Variants in TLN2 observed in about 807,000 individuals in gnomAD.
TLN2 encodes talin-2.
Under a neutral mutation model 294.7 loss-of-function variants are expected in TLN2, and 118 were observed. That is an observed-to-expected ratio of 0.40 (90% CI 0.34 to 0.47). The LOEUF (loss-of-function observed/expected upper bound fraction) is 0.47, where lower values mean the gene tolerates loss of function less well. Ranked by LOEUF, TLN2 falls within the 20% of genes least tolerant of loss-of-function variation. The probability of loss-of-function intolerance (pLI) is 0.84; values close to 1 mark genes in which losing one functional copy is unlikely to be tolerated. For synonymous variants in TLN2, 1,431 were observed against 1,304.5 expected (o/e 1.10, Z -2.09); for missense variants, 3,083 against 3,282.2 (o/e 0.94, Z 1.48).
intron 3 of TLN2, among the ~76,000 whole-genome samples, chr15:62,619,378 A>G (rs962879970): frequency 6.6e-5 from 10 of 152,220 alleles, no homozygotes; most frequent in Non-Finnish European, 1.2e-4. Flanking sequence ...TCCATCCTCC[A>G]GTTTGTGAGA....
At chr15:62,505,263 A>G (rs1458110348) in intron 1 of TLN2, among the ~76,000 whole-genome samples, 1 of 152,056 alleles carries the variant, frequency 6.6e-6, no homozygotes, top group Non-Finnish European at 1.5e-5. Flanking sequence ...GGCCAAAAAC[A>G]TGTTTCTTAC....
chr15:62,610,277 T>G (rs2047815742), intron 2 of TLN2, among the ~76,000 whole-genome samples: 2 of 152,262 alleles, frequency 1.3e-5, no homozygotes, highest in African/African-American at 4.8e-5. Context: ...ATAAAGTATC[T>G]TCAAATACTG....
intron 41 of TLN2, among the ~76,000 whole-genome samples, chr15:62,770,710 T>C (rs1422483996): frequency 2.0e-5 from 3 of 151,900 alleles, no homozygotes; most frequent in African/African-American, 4.8e-5. Context: ...TTCTCATATC[T>C]AACTCTGGAT....
rs137863993 is a variant in TLN2 at position 62,513,800 on chromosome 15, G to A, written c.-237-75887G>A. On this transcript the variant is annotated intron_variant, in intron 1 of 58. Coordinates refer to ENST00000636159, the MANE Select transcript of TLN2 (RefSeq NM_015059.3). ...ACAAAATTGGTGCTAAATAAATATT[G>A]ATGGAATTGCAAACCCTTTCAGAAC... Among the ~76,000 whole-genome samples, 13 of 152,328 alleles carry A rather than the reference G, an allele frequency of 8.5e-5. No individual in the cohort carries two copies. The East Asian group carries it at 2.3e-3, about 27-fold the overall frequency.
Position 62,697,849 on chromosome 15 carries a change from G to C in TLN2, c.1454G>C (p.Arg485Pro). The part of the protein sequence containing the change: ...QQQVMVGQMH[R>P]GHMPPLTSAQ... Reference sequence around the variant, plus strand: ...CAGGTCATGGTTGGGCAGATGCACCGAGGCCACATGCCGCCACTGGTGAGG... The same window carrying C: ...CAGGTCATGGTTGGGCAGATGCACCCAGGCCACATGCCGCCACTGGTGAGG... The change falls in exon 15 of 59, where the codon CGA becomes CCA. Residue 485 changes from arginine to proline, a missense_variant. Arg to Pro is a moderately radical substitution (Grantham distance 103). Coordinates refer to ENST00000636159, the MANE Select transcript of TLN2 (RefSeq NM_015059.3). The C allele has an allele frequency of 6.2e-7, 1 of 1,612,356 alleles. No individual in the cohort carries two copies. The highest frequency in any genetic ancestry group is 1.1e-5 in the South Asian group (1 of 91,016).
At chr15:62,763,261 G>T in intron 39 of TLN2, 1 of 197,402 alleles carries the variant, frequency 5.1e-6, no homozygotes, top group Non-Finnish European at 9.7e-6. Context: ...CTGTGCTTAA[G>T]CCAGTGAATA....
chr15:62,548,444 A>G (rs779562609), intron 1 of TLN2, among the ~76,000 whole-genome samples: 1 of 152,216 alleles, frequency 6.6e-6, no homozygotes, highest in Non-Finnish European at 1.5e-5. Context: ...CATTGGCTCA[A>G]TAACTGGAAA....
chr15:62,454,428 T>C (rs1413731397), intron 1 of TLN2, among the ~76,000 whole-genome samples: 1 of 152,092 alleles, frequency 6.6e-6, no homozygotes, highest in Non-Finnish European at 1.5e-5. Context: ...GGTTGGGGCT[T>C]GGATGAATGG....
chr15:62,542,515 T>TG (rs1255807194), intron 1 of TLN2, among the ~76,000 whole-genome samples: 1 of 152,112 alleles, frequency 6.6e-6, no homozygotes, highest in Non-Finnish European at 1.5e-5. Context: ...AGACCACAAT[T>TG]GACTGCAGGC....
chr15:62,838,550 C>T (rs995484626), intron 57 of TLN2, among the ~76,000 whole-genome samples: 3 of 152,252 alleles, frequency 2.0e-5, no homozygotes, highest in African/African-American at 7.2e-5. Flanking sequence ...TGTTAACACA[C>T]ACATCACATT....
chr15:62,557,480 G>A (rs1303247989), intron 1 of TLN2, among the ~76,000 whole-genome samples: 1 of 152,250 alleles, frequency 6.6e-6, no homozygotes, highest in Non-Finnish European at 1.5e-5. Flanking sequence ...CTGTGTTACT[G>A]AAGAGTGGGC....
intron 1 of TLN2, among the ~76,000 whole-genome samples, chr15:62,405,487 G>C (rs1031202397): frequency 6.6e-6 from 1 of 152,188 alleles, no homozygotes; most frequent in African/African-American, 2.4e-5. Flanking sequence ...ACCCTGTAGG[G>C]CTCCATTTAA....
intron 1 of TLN2, among the ~76,000 whole-genome samples, chr15:62,564,645 G>C (rs1325973873): frequency 6.6e-6 from 1 of 152,046 alleles, no homozygotes; most frequent in African/African-American, 2.4e-5. Flanking sequence ...AGTGGCTCAT[G>C]CCTGTAATCC....
chr15:62,725,699 A>G (rs541809277), intron 27 of TLN2, among the ~76,000 whole-genome samples: 23 of 152,282 alleles, frequency 1.5e-4, no homozygotes, highest in African/African-American at 5.5e-4. Flanking sequence ...GTTTATCGTG[A>G]TAGTAACTTT....
chr15:62,679,508 A>C (rs781258988), intron 11 of TLN2, among the ~76,000 whole-genome samples: 3 of 152,244 alleles, frequency 2.0e-5, no homozygotes, highest in Non-Finnish European at 4.4e-5. Flanking sequence ...GAAAGAAGCC[A>C]GTCACAAAAG....
At chr15:62,788,035 C>G (rs537637436) in intron 45 of TLN2, among the ~76,000 whole-genome samples, 1 of 149,974 alleles carries the variant, frequency 6.7e-6, no homozygotes, top group African/African-American at 2.4e-5. Context: ...AAATGAATTT[C>G]CTCTGTGGCT....
Position 62,835,916 on chromosome 15 carries a change from G to C in TLN2, c.7217G>C (p.Ser2406Thr). The C allele has an allele frequency of 6.2e-7, 1 of 1,614,208 alleles. No homozygotes were observed. The highest frequency in any genetic ancestry group is 8.5e-7 in the Non-Finnish European group (1 of 1,180,030). ...SAARMVAAATSSLCEAANASV... is the reference protein window; with the variant it reads ...SAARMVAAATTSLCEAANASV... Reference sequence around the variant, plus strand: ...GCCCGGATGGTGGCGGCTGCGACCAGCAGTCTCTGTGAGGCGGCCAATGCC... The same window carrying C: ...GCCCGGATGGTGGCGGCTGCGACCACCAGTCTCTGTGAGGCGGCCAATGCC... The change falls in exon 57 of 59, where the codon AGC (serine) becomes ACC (threonine). Residue 2406 changes from serine (S) to threonine (T), a missense_variant. Transcript: ENST00000636159.
intron 1 of TLN2, among the ~76,000 whole-genome samples, chr15:62,422,851 G>C (rs1297824284): frequency 6.6e-6 from 1 of 152,228 alleles, no homozygotes; most frequent in Non-Finnish European, 1.5e-5. Context: ...CTCGTAAGCT[G>C]GTGATGCCTG....
At chr15:62,551,213 A>G (rs2042278256) in intron 1 of TLN2, among the ~76,000 whole-genome samples, 1 of 152,146 alleles carries the variant, frequency 6.6e-6, no homozygotes, top group African/African-American at 2.4e-5. Context: ...GTAAATACAG[A>G]TGAAGCTTCG....
Sources: allele counts gnomAD v4.1 joint callset (sites outside exome capture counted in the v4.1 genomes callset), GRCh38; gene constraint gnomAD v4.1.1; transcripts MANE v1.5; gene names NCBI Gene and HGNC (gene_info 2026-07-23, HGNC 2026-07-21).